Variants in DCDC1 observed in about 807,000 individuals in gnomAD.
DCDC1 encodes doublecortin domain-containing protein 1.
A neutral mutation model predicts 178.3 loss-of-function variants in DCDC1; 200 were observed. The ratio of observed to expected loss-of-function variants is 1.12; its 90% CI spans 1.00 to 1.26. The LOEUF is 1.26. Among genes scored for constraint, DCDC1 ranks in the 50% most tolerant of loss-of-function variants. DCDC1 has a pLI of 0.00. For missense variants in DCDC1, 1,983 were observed against 1,749.2 expected, an observed-to-expected ratio of 1.13 and a Z score of -2.38; for synonymous variants, 690 against 604.8, an observed-to-expected ratio of 1.14 and a Z score of -2.07.
chr11:30,980,025 A>C (rs750436364), intron 20 of DCDC1, among the ~76,000 whole-genome samples: 2 of 152,160 alleles, frequency 1.3e-5, no homozygotes, highest in Non-Finnish European at 2.9e-5. Context: ...CACACATGCA[A>C]ACAATCCTAT....
intron 5 of DCDC1, 31 bp from the exon 6 acceptor site, chr11:31,305,808 A>T: frequency 1.2e-6 from 2 of 1,605,070 alleles, no homozygotes; most frequent in Non-Finnish European, 1.7e-6. Context: ...AGTCAAAGTG[A>T]TTTACTACAA....
intron 11 of DCDC1, among the ~76,000 whole-genome samples, chr11:31,123,924 T>C (rs189115005): frequency 5.5e-4 from 84 of 152,210 alleles, no homozygotes; most frequent in East Asian, 2.5e-3. Context: ...TAAGTAGCCA[T>C]ATGTGACTAG....
At chr11:31,140,046 C>T (rs1171837045) in intron 9 of DCDC1, among the ~76,000 whole-genome samples, 1 of 152,114 alleles carries the variant, frequency 6.6e-6, no homozygotes, top group Non-Finnish European at 1.5e-5. Flanking sequence ...CATTTTCAGC[C>T]TGAGGTATTA....
At chr11:31,127,706 T>C (rs1961842065) in intron 10 of DCDC1, 67 bp from the exon 11 acceptor site, 1 of 664,532 alleles carries the variant, frequency 1.5e-6, no homozygotes, top group South Asian at 1.7e-5. Context: ...TATTAGATTT[T>C]TGAGTACCTA....
At chr11:31,368,276 T>C (rs1220336768) in intron 1 of DCDC1, among the ~76,000 whole-genome samples, 1 of 152,116 alleles carries the variant, frequency 6.6e-6, no homozygotes, top group African/African-American at 2.4e-5. Context: ...ACCTAATAAA[T>C]AGTAAATCAA....
At chr11:31,362,055 C>G (rs976627428) in intron 1 of DCDC1, among the ~76,000 whole-genome samples, 8 of 152,116 alleles carry the variant, frequency 5.3e-5, no homozygotes, top group African/African-American at 2.4e-5. Context: ...TGACTTTAGC[C>G]TAACGCTAAA....
intron 21 of DCDC1, chr11:30,943,986 A>C (rs1947834024): frequency 4.1e-6 from 1 of 243,650 alleles, no homozygotes; most frequent in Non-Finnish European, 8.2e-6. Context: ...GTTTCTTGTC[A>C]AGGAACTAAC....
At chr11:31,193,456 C>T (rs1212914419) in intron 9 of DCDC1, among the ~76,000 whole-genome samples, 2 of 151,944 alleles carry the variant, frequency 1.3e-5, no homozygotes, top group African/African-American at 4.8e-5. Context: ...ATTAGCAATG[C>T]TCAATCAGTA....
At chr11:31,364,603 C>T (rs494464) in intron 1 of DCDC1, among the ~76,000 whole-genome samples, 102,509 of 151,882 alleles carry the variant, frequency 0.67, 35,281 homozygotes, top group African/African-American at 0.79. Flanking sequence ...GCAACAAGTG[C>T]GGTGCCCGCA....
At chr11:31,106,611 TAGAG>T (rs559464311) in intron 13 of DCDC1, among the ~76,000 whole-genome samples, 182 bp downstream of exon 13, 1 of 151,960 alleles carries the variant, frequency 6.6e-6, no homozygotes, top group Non-Finnish European at 1.5e-5. Flanking sequence ...CAGACAGAGA[TAGAG>T]AGAGAGAAGG....
Position 31,153,313 on chromosome 11 carries a change from A to G in DCDC1, c.1222-15529T>C, listed in dbSNP as rs569249611. ...TATGTCATAGTTATTCTCATGTTAT[A>G]CAACTATCTCATGTCATCAATGCCC... On this transcript the variant is annotated intron_variant, in intron 9 of 38. Coordinates refer to ENST00000684477, the MANE Select transcript of DCDC1 (RefSeq NM_001387274.1). 3.9e-5 allele frequency among the ~76,000 whole-genome samples: 6 copies of G among 152,208 alleles called. No homozygotes were observed. The South Asian group carries it at 1.2e-3, about 32-fold the overall frequency.
At chr11:31,226,896 T>C (rs912868947) in intron 9 of DCDC1, among the ~76,000 whole-genome samples, 13 of 151,920 alleles carry the variant, frequency 8.6e-5, no homozygotes, top group African/African-American at 1.9e-4. Context: ...TCTGTTTATA[T>C]AGGAATACAA....
intron 20 of DCDC1, among the ~76,000 whole-genome samples, chr11:31,063,810 T>A (rs184142634): frequency 1.1e-3 from 171 of 152,288 alleles, no homozygotes; most frequent in African/African-American, 3.8e-3. Flanking sequence ...TTAAGAGTAT[T>A]TCAGTCAACA....
chr11:31,068,175 A>G (rs1956359492), intron 18 of DCDC1, among the ~76,000 whole-genome samples: 1 of 152,214 alleles, frequency 6.6e-6, no homozygotes, highest in Non-Finnish European at 1.5e-5. Flanking sequence ...AATAAAACAA[A>G]TCTTTGTTGA....
intron 20 of DCDC1, among the ~76,000 whole-genome samples, chr11:30,976,252 C>A (rs1208541842): frequency 6.6e-6 from 1 of 151,838 alleles, no homozygotes; most frequent in African/African-American, 2.4e-5. Flanking sequence ...AAACAAAAAG[C>A]ACTTCAAAAC....
intron 9 of DCDC1, among the ~76,000 whole-genome samples, chr11:31,178,456 T>C (rs555526621): frequency 2.6e-5 from 4 of 152,300 alleles, no homozygotes; most frequent in Admixed American, 6.5e-5. Context: ...CTTCATGACA[T>C]TGGGCTCTGC....
intron 1 of DCDC1, among the ~76,000 whole-genome samples, chr11:31,342,087 A>G (rs924169795): frequency 1.3e-5 from 2 of 152,230 alleles, no homozygotes; most frequent in Non-Finnish European, 2.9e-5. Context: ...ACTAACTGAC[A>G]TTAAGGGTCA....
chr11:31,257,667 A>G (rs1421977588), intron 8 of DCDC1, among the ~76,000 whole-genome samples: 1 of 151,118 alleles, frequency 6.6e-6, no homozygotes, highest in Non-Finnish European at 1.5e-5. Flanking sequence ...CATCTGACCC[A>G]AGCACACATA....
In DCDC1 at chr11:30,915,514, C is replaced by T; in HGVS notation, c.3650G>A (p.Ser1217Asn). Residue 1217 changes from serine (S) to asparagine (N), a missense_variant, in exon 27 of 39, where the codon AGC (serine) becomes AAC (asparagine). Ser to Asn is a conservative substitution (Grantham distance 46, BLOSUM62 1). Transcript: ENST00000684477. The stretch of plus-strand genomic sequence containing the variant: ...AACCCAAATATAATGGGATTACCTG[C>T]TGTCTTCCTGGTGTATCCAGCGCTG... ...SHQRWIHQED[S>N]RTFHLVSNPD... is the part of the protein sequence containing the mutation. 2 of 1,613,892 alleles carry T rather than the reference C, an allele frequency of 1.2e-6. No individual in the cohort carries two copies.
Sources: allele counts gnomAD v4.1 joint callset (sites outside exome capture counted in the v4.1 genomes callset), GRCh38; gene constraint gnomAD v4.1.1; transcripts MANE v1.5; gene names NCBI Gene and HGNC (gene_info 2026-07-23, HGNC 2026-07-21).